The following FER1L6 variants were observed in gnomAD, a reference collection of about 807,000 sequenced individuals.
The protein encoded by FER1L6 is fer-1-like protein 6.
In FER1L6, 177 loss-of-function variants were observed where a neutral mutation model predicts 219.2. The observed-to-expected ratio is 0.81, with a 90% CI of 0.71 to 0.91. FER1L6 has a LOEUF of 0.91. FER1L6 is among the 40% of genes least tolerant of loss of function. The pLI is 0.00. For synonymous variants in FER1L6, 768 were observed against 824.3 expected (o/e 0.93, Z 1.17); for missense variants, 2,153 against 2,259.9 (o/e 0.95, Z 0.96).
intron 37 of FER1L6, 131 bp downstream of exon 37, chr8:124,098,014 C>T: frequency 1.9e-6 from 1 of 530,148 alleles, no homozygotes; most frequent in Admixed American, 3.4e-5. Flanking sequence ...CTTTTAAGGC[C>T]ACCTTCTTTG....
At chr8:123,973,370 C>A in intron 6 of FER1L6, 64 bp from the exon 7 acceptor site, 2 of 1,336,478 alleles carry the variant, frequency 1.5e-6, no homozygotes, top group Non-Finnish European at 2.2e-6. Context: ...CAAAGCTAGA[C>A]AAGGGTCAAG....
chr8:123,995,760 G>T (rs949927292), intron 12 of FER1L6, among the ~76,000 whole-genome samples: 6 of 151,912 alleles, frequency 3.9e-5, no homozygotes, highest in African/African-American at 1.5e-4. Context: ...TCGTTAGGTT[G>T]TTTATTTGAT....
intron 1 of FER1L6, among the ~76,000 whole-genome samples, chr8:123,905,495 A>G (rs7829766): frequency 0.58 from 88,678 of 151,966 alleles, 26,132 homozygotes; most frequent in South Asian, 0.75. Context: ...GGGAATTTGG[A>G]TTGATTCCAT....
chr8:124,023,776 G>T (rs185722482), intron 18 of FER1L6, among the ~76,000 whole-genome samples, 180 bp downstream of exon 18: 2 of 152,124 alleles, frequency 1.3e-5, no homozygotes, highest in Admixed American at 1.3e-4. Flanking sequence ...ACCTTTAGGT[G>T]GAATTTTTTC....
At chr8:123,946,783 A>G (rs372636149) in intron 1 of FER1L6, among the ~76,000 whole-genome samples, 1 of 152,000 alleles carries the variant, frequency 6.6e-6, no homozygotes, top group Admixed American at 6.6e-5. Flanking sequence ...ATCTCTCCCA[A>G]TTCAAACAAC....
At chr8:123,948,418 A>G (rs1294987786) in intron 1 of FER1L6, among the ~76,000 whole-genome samples, 2 of 152,246 alleles carry the variant, frequency 1.3e-5, no homozygotes, top group African/African-American at 4.8e-5. Context: ...TGTAGTAAAT[A>G]ATCTCCAAAT....
At chr8:124,071,823 T>G (rs948207678) in intron 31 of FER1L6, among the ~76,000 whole-genome samples, 192 bp downstream of exon 31, 2 of 152,158 alleles carry the variant, frequency 1.3e-5, no homozygotes, top group African/African-American at 2.4e-5. Flanking sequence ...TGTGGATGGC[T>G]GCCTTCTTGC....
chr8:123,904,565 T>A (rs1586452866), intron 1 of FER1L6, among the ~76,000 whole-genome samples: 1 of 152,140 alleles, frequency 6.6e-6, no homozygotes, highest in South Asian at 2.1e-4. Context: ...AAAACTAGCT[T>A]AGTTATTTGG....
intron 1 of FER1L6, among the ~76,000 whole-genome samples, chr8:123,903,788 G>A (rs568069381): frequency 1.1e-4 from 16 of 152,268 alleles, no homozygotes; most frequent in East Asian, 5.8e-4. Context: ...TGGGAATACC[G>A]CCCTAACCCG....
At chr8:124,032,381 C>T (rs1819008311) in intron 18 of FER1L6, among the ~76,000 whole-genome samples, 1 of 152,028 alleles carries the variant, frequency 6.6e-6, no homozygotes, top group Non-Finnish European at 1.5e-5. Context: ...GCTGAGATTG[C>T]ACCACTGCAC....
intron 32 of FER1L6, among the ~76,000 whole-genome samples, chr8:124,081,679 T>A (rs1293165452): frequency 6.6e-6 from 1 of 151,090 alleles, no homozygotes; most frequent in Admixed American, 6.6e-5. Flanking sequence ...AACGCTTTGG[T>A]CTTGCAATTC....
chr8:123,895,695 G>A (rs1812731139), intron 1 of FER1L6, among the ~76,000 whole-genome samples: 2 of 152,180 alleles, frequency 1.3e-5, no homozygotes, highest in African/African-American at 4.8e-5. Flanking sequence ...AGTCCAGTGG[G>A]TTGGGTTTGA....
intron 2 of FER1L6, 146 bp from the exon 3 acceptor site, chr8:123,963,132 G>T: frequency 4.9e-6 from 5 of 1,029,716 alleles, no homozygotes; most frequent in Non-Finnish European, 7.0e-6. Flanking sequence ...CTGCCAATAA[G>T]ATGTTAAGTT....
intron 13 of FER1L6, among the ~76,000 whole-genome samples, chr8:124,004,538 T>C (rs1817572311): frequency 1.3e-5 from 2 of 152,120 alleles, no homozygotes. Context: ...CAAATCTATT[T>C]TCCTAGACAG....
At position 123,853,136 on chromosome 8, in the gene FER1L6, G is replaced by A. The variant is rs61541771; in HGVS notation, c.-8+951G>A. 7.9e-3 allele frequency among the ~76,000 whole-genome samples: 1,194 copies of A among 151,524 alleles called. 16 individuals carry two copies. The highest frequency in any genetic ancestry group is 0.027 in the African/African-American group (1,132 of 41,272). On this transcript the variant is annotated intron_variant, in intron 1 of 40. Transcript: ENST00000522917. This position sits in a 1 kb window ranked among gnomAD's most constrained non-coding sequence, Gnocchi z 6.6. ...TCGGATTACGTGCGTGAGCCACTGT[G>A]CCCACCCTCAGACTTTAAAATAGAC...
In FER1L6 at chr8:124,064,480, G is replaced by C; in HGVS notation, c.3462G>C (p.Pro1154=). Residue 1154 remains proline, a synonymous_variant, in exon 26 of 41, where the codon CCG becomes CCC. Transcript: ENST00000522917. ...TGCCCGACTCTGCCCAGGCCCAGCC[G>C]GCCATCCTGGTTGACGTCCCTGACT... The part of the protein sequence containing the change: ...TVVPDSAQAQ[P]AILVDVPDSS... 6.2e-7 allele frequency: 1 copy of C among 1,613,994 alleles called. No individual in the cohort carries two copies. Among genetic ancestry groups the C allele is most frequent in the Middle Eastern group, 1.7e-4 (1 of 6,060 alleles).
intron 1 of FER1L6, among the ~76,000 whole-genome samples, chr8:123,913,387 A>G (rs1813096095): frequency 6.6e-6 from 1 of 152,170 alleles, no homozygotes; most frequent in Non-Finnish European, 1.5e-5. Context: ...TTTATTTTCC[A>G]CAATTCCTAA....
intron 12 of FER1L6, among the ~76,000 whole-genome samples, chr8:123,990,048 C>T (rs972558481): frequency 6.6e-6 from 1 of 152,092 alleles, no homozygotes; most frequent in Non-Finnish European, 1.5e-5. Context: ...GTGGGCGGAT[C>T]ACGAGGTCAG....
At chr8:123,935,305 C>T (rs1371553620) in intron 1 of FER1L6, among the ~76,000 whole-genome samples, 1 of 152,112 alleles carries the variant, frequency 6.6e-6, no homozygotes, top group African/African-American at 2.4e-5. Context: ...CCACAGGGAG[C>T]CCCTTCTGTT....
Sources: gnomAD v4.1 joint callset for allele counts (sites outside exome capture counted in the v4.1 genomes callset) on GRCh38, gnomAD v4.1.1 for gene constraint, Gnocchi (gnomAD v3.1) non-coding constraint, MANE v1.5 for transcripts, NCBI Gene and HGNC (gene_info 2026-07-23, HGNC 2026-07-21) for gene names.